PUDP: variants seen among roughly 807,000 people sequenced by gnomAD.
PUDP encodes pseudouridine-5'-phosphatase.
In PUDP, 8 loss-of-function variants were observed where a neutral mutation model predicts 9.4. That is an observed-to-expected ratio of 0.85 (90% CI 0.50 to 1.53). The LOEUF (loss-of-function observed/expected upper bound fraction) is 1.53, where lower values mean the gene tolerates loss of function less well. PUDP is among the 40% of genes most tolerant of loss of function. PUDP has a pLI of 0.00. For missense variants in PUDP, 188 were observed against 189.7 expected (o/e 0.99, Z 0.05); for synonymous variants, 99 against 80.7 (o/e 1.23, Z -1.22).
rs772630198 is a variant in PUDP at position 6,833,556 on chromosome X, C to T, written c.*248-127090G>A. On this transcript the variant is annotated intron_variant and NMD_transcript_variant, in intron 3 of 3. Coordinates refer to the PUDP transcript ENST00000655425. ...ACAAAGTAATAGATGAATAGGTAGA[C>T]GTGAGGCTGAGTGGGTGAATGGATG... Among the ~76,000 whole-genome samples the T allele has an allele frequency of 3.6e-5, 4 of 110,969 alleles. No individual in the cohort carries two copies. The South Asian group carries it at 1.2e-3, about 32-fold the overall frequency.
At chrX:6,841,629 A>G (rs1926672427) in intron 3 of PUDP, among the ~76,000 whole-genome samples, 1 of 111,797 alleles carries the variant, frequency 8.9e-6, no homozygotes, top group African/African-American at 3.3e-5. Flanking sequence ...TTTTATTTAT[A>G]GAAATTAACA....
At chrX:6,805,209 G>C (rs1391059360) in intron 3 of PUDP, among the ~76,000 whole-genome samples, 1 of 111,524 alleles carries the variant, frequency 9.0e-6, no homozygotes, top group East Asian at 2.8e-4. Flanking sequence ...GGTCGAGGCT[G>C]CAGTGAGCTG....
intron 1 of PUDP, among the ~76,000 whole-genome samples, chrX:7,119,491 A>C (rs1310567316): frequency 8.9e-6 from 1 of 112,741 alleles, no homozygotes; most frequent in Non-Finnish European, 1.9e-5. Flanking sequence ...GCCTCAAATG[A>C]GAAGCTTGCT....
At chrX:6,959,175 A>G (rs1928671829) in intron 3 of PUDP, among the ~76,000 whole-genome samples, 1 of 112,077 alleles carries the variant, frequency 8.9e-6, no homozygotes, top group African/African-American at 3.2e-5. Flanking sequence ...CATTCAGCAG[A>G]ACAATGGGAG....
chrX:6,781,568 G>A (rs1925563417), intron 3 of PUDP, among the ~76,000 whole-genome samples: 1 of 112,162 alleles, frequency 8.9e-6, no homozygotes, highest in Non-Finnish European at 1.9e-5. Context: ...GCCTACACCT[G>A]AAATCCTGAT....
intron 1 of PUDP, among the ~76,000 whole-genome samples, chrX:7,038,942 T>G (rs968109074): frequency 1.3e-4 from 14 of 111,323 alleles, no homozygotes; most frequent in Admixed American, 1.9e-4. Context: ...TTTATTTATT[T>G]ATTGATTGAT....
intron 3 of PUDP, among the ~76,000 whole-genome samples, chrX:7,066,652 G>A (rs1009633337): frequency 1.8e-5 from 2 of 111,177 alleles, no homozygotes; most frequent in African/African-American, 3.3e-5. Flanking sequence ...GCTTCCTAAC[G>A]GGCCATGGAG....
intron 3 of PUDP, among the ~76,000 whole-genome samples, chrX:6,828,261 C>T (rs1926453237): frequency 9.0e-6 from 1 of 111,695 alleles, no homozygotes; most frequent in South Asian, 3.8e-4. Context: ...GATCCATGCA[C>T]ATTGCATACT....
chrX:6,847,613 CT>C (rs1926768428), intron 3 of PUDP, among the ~76,000 whole-genome samples: 1 of 112,467 alleles, frequency 8.9e-6, no homozygotes, highest in Non-Finnish European at 1.9e-5. Flanking sequence ...TGACAAAACT[CT>C]TTATGATCAG....
At chrX:6,991,124 C>T (rs1025078241) in intron 1 of PUDP, among the ~76,000 whole-genome samples, 3 of 111,827 alleles carry the variant, frequency 2.7e-5, no homozygotes, top group Non-Finnish European at 5.6e-5. Flanking sequence ...CTTGCCAGGA[C>T]GCTTGCCCCC....
chrX:7,101,118 G>A (rs905188722), intron 2 of PUDP, among the ~76,000 whole-genome samples: 1 of 111,933 alleles, frequency 8.9e-6, no homozygotes, highest in Non-Finnish European at 1.9e-5. Context: ...CTCTGTCAAA[G>A]CACAGCTAAT....
At chrX:6,747,768 A>AT (rs1316321505) in intron 3 of PUDP, among the ~76,000 whole-genome samples, 2 of 110,946 alleles carry the variant, frequency 1.8e-5, no homozygotes, top group East Asian at 2.8e-4. Context: ...TTTCTAATCT[A>AT]TTTTTTATCC....
chrX:6,741,902 C>A (rs1291080065), intron 3 of PUDP, among the ~76,000 whole-genome samples: 2 of 108,178 alleles, frequency 1.8e-5, no homozygotes, highest in East Asian at 2.9e-4. Flanking sequence ...GTCGCCCAGG[C>A]TGGAGTGCAG....
chrX:6,718,071 GT>G (rs1924620799), intron 1 of PUDP, among the ~76,000 whole-genome samples: 1 of 110,132 alleles, frequency 9.1e-6, no homozygotes, highest in South Asian at 3.8e-4. Context: ...AGTTATTTGA[GT>G]TTCTTGTAGA....
chrX:6,733,555 C>A (rs1205366404), intron 3 of PUDP, among the ~76,000 whole-genome samples: 1 of 109,909 alleles, frequency 9.1e-6, no homozygotes, highest in Non-Finnish European at 1.9e-5. Flanking sequence ...AGGCTCCCTT[C>A]GGCTGCTGTG....
At chrX:6,969,887 A>AT (rs1331316629) in intron 3 of PUDP, among the ~76,000 whole-genome samples, 1 of 112,136 alleles carries the variant, frequency 8.9e-6, no homozygotes, top group Non-Finnish European at 1.9e-5. Context: ...TCTTTGTAAA[A>AT]TTTTTTGGAA....
chrX:6,878,679 A>G (rs768806337), intron 3 of PUDP, among the ~76,000 whole-genome samples: 10 of 112,275 alleles, frequency 8.9e-5, no homozygotes, highest in East Asian at 8.5e-4. Flanking sequence ...TCTTGATAGC[A>G]TATGTTACAA....
intron 3 of PUDP, among the ~76,000 whole-genome samples, chrX:6,810,577 G>A (rs920178889): frequency 1.8e-5 from 2 of 111,210 alleles, no homozygotes; most frequent in African/African-American, 6.5e-5. Context: ...CTCAGACTCC[G>A]TATGAAAAAA....
intron 3 of PUDP, among the ~76,000 whole-genome samples, chrX:6,933,230 A>AC (rs1414830318): frequency 9.2e-6 from 1 of 108,218 alleles, no homozygotes; most frequent in African/African-American, 3.3e-5. Context: ...ACTGGGAGGC[A>AC]CCCCCCAGTA....
Sources: gnomAD v4.1 joint callset for allele counts (sites outside exome capture counted in the v4.1 genomes callset) on GRCh38, gnomAD v4.1.1 for gene constraint, MANE v1.5 for transcripts, NCBI Gene and HGNC (gene_info 2026-07-23, HGNC 2026-07-21) for gene names.